The following RNF13 variants were observed in gnomAD, a reference collection of about 807,000 sequenced individuals.
RNF13 encodes the protein ring finger protein 13.
In RNF13, 19 loss-of-function variants were observed where a neutral mutation model predicts 37.7. The observed-to-expected ratio is 0.50, with a 90% CI of 0.35 to 0.74. The LOEUF (loss-of-function observed/expected upper bound fraction) is 0.74. Among genes scored for constraint, RNF13 ranks in the 30% least tolerant of loss-of-function variants. The pLI is 0.01. For missense variants in RNF13, 375 were observed against 453.0 expected (o/e 0.83, Z 1.56); for synonymous variants, 144 against 157.8 (o/e 0.91, Z 0.65).
chr3:149,914,598 A>G (rs1410520869), intron 7 of RNF13, among the ~76,000 whole-genome samples: 1 of 152,146 alleles, frequency 6.6e-6, no homozygotes, highest in Admixed American at 6.6e-5. Context: ...CTTAAAATAA[A>G]CATTATTAAA....
chr3:149,840,457 A>T (rs1722064423), intron 1 of RNF13, among the ~76,000 whole-genome samples: 1 of 152,182 alleles, frequency 6.6e-6, no homozygotes, highest in Admixed American at 6.5e-5. Context: ...GAGGAAAAGG[A>T]TAAAGGGTAG....
At chr3:149,850,663 T>A (rs1723046527) in intron 2 of RNF13, among the ~76,000 whole-genome samples, 1 of 152,212 alleles carries the variant, frequency 6.6e-6, no homozygotes, top group Non-Finnish European at 1.5e-5. Context: ...AAAAGTACAT[T>A]AAAAAATACT....
chr3:149,880,870 A>C (rs1713309495), intron 4 of RNF13, among the ~76,000 whole-genome samples: 1 of 152,150 alleles, frequency 6.6e-6, no homozygotes, highest in Admixed American at 6.5e-5. Context: ...GAATATTAAA[A>C]ACTATCTATA....
intron 1 of RNF13, among the ~76,000 whole-genome samples, chr3:149,834,200 GA>G (rs1461261245): frequency 6.6e-6 from 1 of 152,120 alleles, no homozygotes; most frequent in Non-Finnish European, 1.5e-5. Context: ...GAAATCTATG[GA>G]TTCAATGTAA....
At chr3:149,852,445 TAAATA>T in intron 2 of RNF13, 66 bp from the exon 3 acceptor site, 1 of 603,860 alleles carries the variant, frequency 1.7e-6, no homozygotes, top group South Asian at 2.9e-5. Flanking sequence ...TATACATAAT[TAAATA>T]AGTCTTTGTT....
At chr3:149,901,260 G>A (rs920554774) in intron 5 of RNF13, among the ~76,000 whole-genome samples, 6 of 152,028 alleles carry the variant, frequency 3.9e-5, no homozygotes, top group African/African-American at 1.4e-4. Flanking sequence ...GCAGAACAAA[G>A]TTATTTTGAA....
intron 8 of RNF13, chr3:149,939,948 A>AT (rs908764824): frequency 5.8e-5 from 16 of 276,544 alleles, no homozygotes; most frequent in Admixed American, 1.5e-4. Flanking sequence ...AGCTGGTCTT[A>AT]TTTTTTTTAT....
chr3:149,936,271 C>G (rs1424596683), intron 8 of RNF13, among the ~76,000 whole-genome samples: 1 of 151,932 alleles, frequency 6.6e-6, no homozygotes, highest in Non-Finnish European at 1.5e-5. Context: ...GGATATTTAT[C>G]TTTCTATAGA....
intron 3 of RNF13, among the ~76,000 whole-genome samples, chr3:149,868,046 GA>G (rs1209581105): frequency 6.6e-5 from 10 of 151,424 alleles, no homozygotes; most frequent in Non-Finnish European, 4.4e-5. Context: ...AAAGGAAAAT[GA>G]AAAAAAATCT....
intron 8 of RNF13, among the ~76,000 whole-genome samples, chr3:149,927,474 T>C (rs1172014078): frequency 6.6e-6 from 1 of 152,196 alleles, no homozygotes; most frequent in Non-Finnish European, 1.5e-5. Flanking sequence ...TTTAAGTCCA[T>C]GGATTCAATT....
chr3:149,866,970 G>A (rs370021327), intron 3 of RNF13, among the ~76,000 whole-genome samples: 12 of 152,280 alleles, frequency 7.9e-5, no homozygotes, highest in East Asian at 7.7e-4. Context: ...AATGTTCCAT[G>A]TGCTGATAAA....
rs764889596 is a variant in RNF13 at position 149,860,256 on chromosome 3, T to TAAA, written c.195+7673_195+7675dup. On this transcript the variant is annotated intron_variant, in intron 3 of 9. Transcript: ENST00000392894. ...CTGGGCAACAGAGAGAGACTCCATC[T>TAAA]AAAAAAAAAAAAAAATATATATATA... is the stretch of plus-strand genomic sequence containing the variant. Among the ~76,000 whole-genome samples the TAAA allele has an allele frequency of 3.7e-3, 213 of 57,770 alleles. 2 individuals are homozygous for TAAA. Among genetic ancestry groups the TAAA allele is most frequent in the South Asian group, 5.7e-3 (8 of 1,414 alleles). 37.9% of individuals were successfully genotyped at this position (57,770 alleles called of 152,430 possible).
chr3:149,828,105 ATT>A (rs1047404028), intron 1 of RNF13, among the ~76,000 whole-genome samples: 73 of 152,322 alleles, frequency 4.8e-4, no homozygotes, highest in African/African-American at 1.8e-3. Context: ...TTGTTCAGAA[ATT>A]GCAAAAATTA....
intron 4 of RNF13, among the ~76,000 whole-genome samples, chr3:149,885,171 A>T (rs559998416): frequency 6.6e-6 from 1 of 152,146 alleles, no homozygotes; most frequent in Non-Finnish European, 1.5e-5. Flanking sequence ...GCTATTGTGA[A>T]CAGTGCTGCA....
intron 5 of RNF13, among the ~76,000 whole-genome samples, chr3:149,897,457 T>C (rs1715385922): frequency 6.6e-6 from 1 of 152,216 alleles, no homozygotes; most frequent in South Asian, 2.1e-4. Flanking sequence ...GTAAAACCTT[T>C]TTGTGATAAT....
chr3:149,863,221 G>A (rs1246404749), intron 3 of RNF13, among the ~76,000 whole-genome samples: 1 of 152,142 alleles, frequency 6.6e-6, no homozygotes, highest in African/African-American at 2.4e-5. Context: ...ACCAGGTTGT[G>A]TTCAACTATA....
At chr3:149,831,388 C>T (rs1246220043) in intron 1 of RNF13, among the ~76,000 whole-genome samples, 2 of 152,208 alleles carry the variant, frequency 1.3e-5, no homozygotes, top group African/African-American at 4.8e-5. Flanking sequence ...ACCTCTTCCT[C>T]AGCATGAGCT....
At chr3:149,902,231 A>G (rs1715920772) in intron 6 of RNF13, 69 bp downstream of exon 6, 2 of 700,184 alleles carry the variant, frequency 2.9e-6, no homozygotes, top group South Asian at 4.0e-5. Context: ...ATTATATAAT[A>G]TTGTAATCAA....
In RNF13 at chr3:149,961,209, T is replaced by G. The variant is rs930574631; in HGVS notation, c.*105T>G. Reference sequence around the variant, plus strand: ...ATTTCTGTAGAAATAACTTATTTTTTAGTATTCTACAGTTTAATCAAATTA... The same window carrying G: ...ATTTCTGTAGAAATAACTTATTTTTGAGTATTCTACAGTTTAATCAAATTA... On this transcript the variant is annotated 3_prime_UTR_variant, in exon 10 of 10. Coordinates refer to ENST00000392894, the MANE Select transcript of RNF13 (RefSeq NM_183381.3). The G allele has an allele frequency of 2.4e-5, 25 of 1,030,828 alleles. No individual in the cohort carries two copies. The African/African-American group carries it at 3.7e-4, about 15-fold the overall frequency. The allele number at this position is 1,030,828 out of a possible 1,614,324, so 63.9% of individuals were successfully genotyped here.
Sources: gnomAD v4.1 joint callset for allele counts (sites outside exome capture counted in the v4.1 genomes callset) on GRCh38, gnomAD v4.1.1 for gene constraint, MANE v1.5 for transcripts, NCBI Gene and HGNC (gene_info 2026-07-23, HGNC 2026-07-21) for gene names.